MACF1: variants seen among roughly 807,000 people sequenced by gnomAD.
MACF1 encodes the protein microtubule-actin cross-linking factor 1.
A neutral mutation model predicts 854.8 loss-of-function variants in MACF1; 193 were observed. The observed-to-expected ratio is 0.23, with a 90% CI of 0.20 to 0.25. MACF1 has a LOEUF of 0.25. Ranked by LOEUF, MACF1 falls within the 10% of genes least tolerant of loss-of-function variation. The pLI is 1.00. For synonymous variants in MACF1, 3,185 were observed against 3,226.7 expected (o/e 0.99, Z 0.44); for missense variants, 7,722 against 8,929.1 (o/e 0.86, Z 5.45).
intron 80 of MACF1, among the ~76,000 whole-genome samples, chr1:39,445,968 A>G (rs1427127134): frequency 6.6e-6 from 1 of 152,250 alleles, no homozygotes; most frequent in Non-Finnish European, 1.5e-5. Context: ...CAAAAAAAAG[A>G]GAAAACAATC....
chr1:39,423,348 A>G (rs1643610976), intron 60 of MACF1, among the ~76,000 whole-genome samples: 1 of 152,134 alleles, frequency 6.6e-6, no homozygotes, highest in African/African-American at 2.4e-5. Flanking sequence ...AAAATTGTAT[A>G]TGTTTGGCTG....
Position 39,350,875 on chromosome 1 carries a change from C to A in MACF1, c.11056C>A (p.Leu3686Met). 27 of 1,614,088 alleles carry A rather than the reference C, an allele frequency of 1.7e-5. No individual in the cohort carries two copies. The highest frequency in any genetic ancestry group is 2.3e-5 in the Non-Finnish European group (27 of 1,179,988). Reference sequence around the variant, plus strand: ...GTTCATGGAAGAGAATCAGACCAAGCTGAGCCCACGTGAGTTGACAGCTCT... The same window carrying A: ...GTTCATGGAAGAGAATCAGACCAAGATGAGCCCACGTGAGTTGACAGCTCT... Reference protein sequence around the residue: ...EGFMEENQTKLSPRELTALRE... With the variant: ...EGFMEENQTKMSPRELTALRE... The change falls in exon 43 of 101, where the codon CTG becomes ATG. Residue 3686 changes from leucine (L) to methionine (M), a missense_variant. By Grantham distance (15) the Leu-to-Met change is conservative. Coordinates refer to ENST00000564288, the MANE Select transcript of MACF1 (RefSeq NM_001394062.1).
Position 39,336,420 on chromosome 1 carries a change from G to C in MACF1, c.9832G>C (p.Gly3278Arg). The change falls in exon 37 of 101, where the codon GGA becomes CGA. Residue 3278 changes from glycine to arginine, a missense_variant. Coordinates refer to ENST00000564288, the MANE Select transcript of MACF1 (RefSeq NM_001394062.1). Reference protein sequence around the residue: ...GSFLPEKLFKGVSQKENTGQQ... With the variant: ...GSFLPEKLFKRVSQKENTGQQ... ...CTTTCTTCCAGAGAAACTGTTCAAAGGAGTGTCTCAAAAAGAGAATACAGG... is the reference window on the plus strand; with the variant it reads ...CTTTCTTCCAGAGAAACTGTTCAAACGAGTGTCTCAAAAAGAGAATACAGG... 1.9e-6 allele frequency: 3 copies of C among 1,614,114 alleles called. No individual in the cohort carries two copies. Among genetic ancestry groups the C allele is most frequent in the South Asian group, 1.1e-5 (1 of 91,084 alleles).
intron 71 of MACF1, among the ~76,000 whole-genome samples, chr1:39,438,945 T>C (rs1336426656): frequency 1.3e-5 from 2 of 150,986 alleles, no homozygotes; most frequent in African/African-American, 4.9e-5. Context: ...TAGCCAGGCA[T>C]GGTGGCACAT....
chr1:39,450,999 G>A, intron 84 of MACF1, 53 bp from the exon 85 acceptor site: 4 of 1,580,312 alleles, frequency 2.5e-6, no homozygotes, highest in Non-Finnish European at 2.6e-6. Flanking sequence ...AGAATTGTGG[G>A]CCATTTGTAA....
intron 97 of MACF1, among the ~76,000 whole-genome samples, chr1:39,472,759 A>C (rs1338848496): frequency 1.3e-5 from 2 of 152,240 alleles, no homozygotes; most frequent in Non-Finnish European, 2.9e-5. Context: ...TTGTGAGCTT[A>C]AGAGCATAAG....
At chr1:39,464,436 G>A (rs1222481966) in intron 94 of MACF1, 1 of 153,380 alleles carries the variant, frequency 6.5e-6, no homozygotes, top group African/African-American at 2.4e-5. Context: ...GCAGTCTCCT[G>A]AGGAGTGCTG....
intron 2 of MACF1, among the ~76,000 whole-genome samples, chr1:39,176,335 ATTC>A (rs1274811616): frequency 6.6e-6 from 1 of 151,748 alleles, no homozygotes; most frequent in African/African-American, 2.4e-5. Flanking sequence ...GCACACAACA[ATTC>A]TTCTCTTACC....
At chr1:39,309,235 A>C (rs1646249501) in intron 23 of MACF1, among the ~76,000 whole-genome samples, 2 of 151,962 alleles carry the variant, frequency 1.3e-5, no homozygotes, top group Non-Finnish European at 2.9e-5. Context: ...TCCAAGTTGA[A>C]GATCTCAATT....
intron 58 of MACF1, chr1:39,414,571 C>A (rs374548143): frequency 5.8e-6 from 9 of 1,546,236 alleles, no homozygotes; most frequent in Non-Finnish European, 7.9e-6. Context: ...ACAGATAGTT[C>A]TTTTGTTCTT....
At chr1:39,224,795 C>T (rs957344013) in intron 1 of MACF1, among the ~76,000 whole-genome samples, 1 of 152,106 alleles carries the variant, frequency 6.6e-6, no homozygotes, top group South Asian at 2.1e-4. Flanking sequence ...ACAACTCTGG[C>T]AATGAAACTA....
intron 2 of MACF1, among the ~76,000 whole-genome samples, chr1:39,134,646 C>T (rs1325429737): frequency 6.6e-6 from 1 of 152,098 alleles, no homozygotes; most frequent in Non-Finnish European, 1.5e-5. Flanking sequence ...TGGTGATAAC[C>T]ATCTTGCAGG....
At chr1:39,480,276 C>T (rs1644990105) in intron 98 of MACF1, among the ~76,000 whole-genome samples, 1 of 152,108 alleles carries the variant, frequency 6.6e-6, no homozygotes, top group African/African-American at 2.4e-5. Context: ...TTTATTTCCT[C>T]ATGTTCTCAG....
chr1:39,481,840 A>C (rs558471075), intron 99 of MACF1, among the ~76,000 whole-genome samples: 10 of 152,136 alleles, frequency 6.6e-5, no homozygotes, highest in Non-Finnish European at 1.5e-4. Flanking sequence ...CCAGGGAAAC[A>C]AGGGATGCAC....
chr1:39,236,945 G>A (rs114990225), intron 2 of MACF1, among the ~76,000 whole-genome samples: 306 of 152,294 alleles, frequency 2.0e-3, no homozygotes, highest in African/African-American at 6.6e-3. Context: ...ATGAGCCACC[G>A]CGTCCAGCCG....
Position 39,447,820 on chromosome 1 carries a change from G to C in MACF1, c.19890G>C (p.Gln6630His). 1 of 1,613,962 alleles carries C rather than the reference G, an allele frequency of 6.2e-7. No homozygotes were observed. ...TCAAGAATTTGTTGGTGAGCGTGCA[G>C]TCTCGATGGGAGAAGGTTGTCCAGC... Reference protein sequence around the residue: ...VLIKNLLVSVQSRWEKVVQRS... With the variant: ...VLIKNLLVSVHSRWEKVVQRS... The change falls in exon 82 of 101, where the codon CAG (glutamine) becomes CAC (histidine). Residue 6630 changes from glutamine (Q) to histidine (H), a missense_variant. Physicochemically the swap from Gln to His is conservative, Grantham distance 24. Around this residue, in one of 15 missense-constraint regions of MACF1, gnomAD observed 729 missense variants for 900.5 expected, o/e 0.81. Coordinates refer to ENST00000564288, the MANE Select transcript of MACF1 (RefSeq NM_001394062.1).
At chr1:39,225,709 A>G (rs997486695) in intron 1 of MACF1, among the ~76,000 whole-genome samples, 6 of 152,182 alleles carry the variant, frequency 3.9e-5, no homozygotes, top group African/African-American at 9.7e-5. Flanking sequence ...GAACATTAAA[A>G]TGAATATTGC....
At chr1:39,186,966 T>A (rs1015878993) in intron 2 of MACF1, among the ~76,000 whole-genome samples, 1 of 150,778 alleles carries the variant, frequency 6.6e-6, no homozygotes, top group Non-Finnish European at 1.5e-5. Context: ...TATTTCTTTC[T>A]CTTTTACTAG....
At chr1:39,345,764 C>A (rs1647031404) in intron 40 of MACF1, among the ~76,000 whole-genome samples, 1 of 152,062 alleles carries the variant, frequency 6.6e-6, no homozygotes, top group South Asian at 2.1e-4. Flanking sequence ...TTATACTTTG[C>A]AAAACTTTTT....
Sources: allele counts gnomAD v4.1 joint callset (sites outside exome capture counted in the v4.1 genomes callset), GRCh38; gene constraint gnomAD v4.1.1; regional missense constraint gnomAD v4.1.1; transcripts MANE v1.5; gene names NCBI Gene and HGNC (gene_info 2026-07-23, HGNC 2026-07-21).